The following NXPE3 variants were observed in gnomAD, a reference collection of about 807,000 sequenced individuals.
The protein encoded by NXPE3 is neurexophilin and PC-esterase domain family member 3.
Under a neutral mutation model 46.1 loss-of-function variants are expected in NXPE3, and 26 were observed. The observed-to-expected ratio is 0.56, with a 90% CI of 0.41 to 0.78. The LOEUF (loss-of-function observed/expected upper bound fraction) is 0.78. Ranked by LOEUF, NXPE3 falls within the 30% of genes least tolerant of loss-of-function variation. NXPE3 has a pLI of 0.00. For missense variants in NXPE3, 620 were observed against 686.0 expected (o/e 0.90, Z 1.07); for synonymous variants, 272 against 257.9 (o/e 1.05, Z -0.52).
chr3:101,800,631 C>A (rs970108086), intron 4 of NXPE3, among the ~76,000 whole-genome samples: 1 of 151,620 alleles, frequency 6.6e-6, no homozygotes, highest in Non-Finnish European at 1.5e-5. Context: ...AATGTAGATT[C>A]ATCTATTTCT....
chr3:101,803,743 C>A (rs556179609), intron 5 of NXPE3, among the ~76,000 whole-genome samples: 130 of 152,294 alleles, frequency 8.5e-4, no homozygotes, highest in African/African-American at 2.8e-3. Context: ...CCTCAGCCTC[C>A]CGAGTAGTTC....
chr3:101,785,452 T>C lies in NXPE3; in HGVS notation c.-145T>C. 1.5e-6 allele frequency: 1 copy of C among 673,302 alleles called. No individual in the cohort carries two copies. The highest frequency in any genetic ancestry group is 2.7e-6 in the Non-Finnish European group (1 of 375,096). 41.7% of individuals were successfully genotyped at this position (673,302 alleles called of 1,614,324 possible). A position where few individuals can be genotyped will look rare whatever the true frequency, so the allele number is the denominator to read the frequency against. On this transcript the variant is annotated 5_prime_UTR_variant, in exon 4 of 8. Coordinates refer to ENST00000273347, the MANE Select transcript of NXPE3 (RefSeq NM_145037.4). ...CTTGAATCAACTGCAGTCTCTCCTC[T>C]GCATAAGAGCTCTTAAGGGTACTAG...
rs574253161 is a variant in NXPE3, at chr3:101,821,711, G to A, written c.1437G>A (p.Val479=). ...TCGATCGAAGCCCAAAGACCGTGGT[G>A]GTCATCCGGACGGCCAACGCCCAAG... The part of the protein sequence containing the change: ...RLLDRSPKTV[V]VIRTANAQEL... The change falls in exon 8 of 8, where the codon GTG becomes GTA. Residue 479 remains valine (V), a synonymous_variant. Transcript: ENST00000273347. 4.3e-5 allele frequency: 69 copies of A among 1,614,210 alleles called. No individual in the cohort carries two copies. The South Asian group carries it at 6.9e-4, about 16-fold the overall frequency.
rs907273518 is a variant in NXPE3, at chr3:101,823,039, A to G, written c.*1085A>G. ...GAAGAAGCTGCTATTCCTACTGGCTATCTAAGAAGAATGGAATTATTAATT... is the reference window on the plus strand; with the variant it reads ...GAAGAAGCTGCTATTCCTACTGGCTGTCTAAGAAGAATGGAATTATTAATT... On this transcript the variant is annotated 3_prime_UTR_variant, in exon 8 of 8. Transcript: ENST00000273347. 2 of 152,142 alleles carry G rather than the reference A, an allele frequency of 1.3e-5. No individual in the cohort carries two copies. The highest frequency in any genetic ancestry group is 2.9e-5 in the Non-Finnish European group (2 of 68,010). 9.4% of individuals were successfully genotyped at this position (152,142 alleles called of 1,614,324 possible).
Position 101,821,877 on chromosome 3 carries a change from A to G in NXPE3, c.1603A>G (p.Lys535Glu), listed in dbSNP as rs189519646. 459 of 1,614,104 alleles carry G rather than the reference A, an allele frequency of 2.8e-4. No individual in the cohort carries two copies. Among genetic ancestry groups the G allele is most frequent in the Non-Finnish European group, 4.7e-5 (56 of 1,180,010 alleles). The stretch of plus-strand genomic sequence containing the variant: ...GACCCTGGCCCATTATCTACCGCAC[A>G]AGCTGCATCCAGATGAAGTTATTGT... The part of the protein sequence containing the change: ...EMTLAHYLPH[K>E]LHPDEVIVKN... The change falls in exon 8 of 8, where the codon AAG becomes GAG. Residue 535 changes from lysine to glutamate, a missense_variant. Physicochemically the swap from Lys to Glu is moderately conservative, Grantham distance 56. Around this residue, in one of 3 missense-constraint regions of NXPE3, gnomAD observed 34 missense variants for 36.2 expected, o/e 0.94. Coordinates refer to ENST00000273347, the MANE Select transcript of NXPE3 (RefSeq NM_145037.4).
chr3:101,816,901 C>A lies in NXPE3; in HGVS notation c.1029C>A (p.Asp343Glu), dbSNP rs1311505897. 1 of 1,613,478 alleles carries A rather than the reference C, an allele frequency of 6.2e-7. No individual in the cohort carries two copies. The highest frequency in any genetic ancestry group is 2.2e-5 in the East Asian group (1 of 44,878). Residue 343 changes from aspartate (D) to glutamate (E), a missense_variant, in exon 7 of 8, where the codon GAC becomes GAA. Asp to Glu is a conservative substitution (Grantham distance 45). This residue lies in a region of NXPE3 where 511 missense variants were observed against 528.6 expected (regional missense o/e 0.97). Coordinates refer to ENST00000273347, the MANE Select transcript of NXPE3 (RefSeq NM_145037.4). ...AGTTTAAGATGCGTCAGTTTAATGA[C>A]CCTGACAACATTACAGAGTGCTTAC... ...PRKFKMRQFN[D>E]PDNITECLQR...
Position 101,821,792 on chromosome 3 carries a change from C to T in NXPE3, c.1518C>T (p.Asp506=), listed in dbSNP as rs780566934. The stretch of plus-strand genomic sequence containing the variant: ...GCGACTGGTACAACTTTCAGCTGGA[C>T]ACCATCCTTCGGAGGATGTTCTCAG... ...FNSDWYNFQL[D]TILRRMFSGV... Residue 506 remains aspartate (D), a synonymous_variant, in exon 8 of 8, where the codon GAC becomes GAT. Transcript: ENST00000273347. 1.2e-6 allele frequency: 2 copies of T among 1,614,210 alleles called. No homozygotes were observed. Among genetic ancestry groups the T allele is most frequent in the South Asian group, 1.1e-5 (1 of 91,082 alleles).
intron 6 of NXPE3, among the ~76,000 whole-genome samples, chr3:101,815,819 A>G (rs1941944938): frequency 6.6e-6 from 1 of 152,166 alleles, no homozygotes; most frequent in African/African-American, 2.4e-5. Flanking sequence ...AACGTGATGA[A>G]ACCCTATCTC....
At chr3:101,818,717 A>T (rs868495916) in intron 7 of NXPE3, among the ~76,000 whole-genome samples, 1,165 of 13,378 alleles carry the variant, frequency 0.087, 43 homozygotes, top group African/African-American at 0.26. Flanking sequence ...ATGACAATTT[A>T]TATATATATA....
At chr3:101,806,183 T>C (rs1278670885) in intron 5 of NXPE3, among the ~76,000 whole-genome samples, 3 of 152,198 alleles carry the variant, frequency 2.0e-5, no homozygotes, top group African/African-American at 7.2e-5. Context: ...ATTTGTTGAA[T>C]AAACAGTTTT....
In NXPE3 at chr3:101,821,737, A is replaced by G. The variant is rs886354615; in HGVS notation, c.1463A>G (p.Glu488Gly). Residue 488 changes from glutamate to glycine, a missense_variant, in exon 8 of 8, where the codon GAG becomes GGG. This residue lies in a region of NXPE3 where 75 missense variants were observed against 121.1 expected (regional missense o/e 0.62). Coordinates refer to ENST00000273347, the MANE Select transcript of NXPE3 (RefSeq NM_145037.4). ...VVVIRTANAQELGPEVSLFNS... is the reference protein window; with the variant it reads ...VVVIRTANAQGLGPEVSLFNS... ...GTCATCCGGACGGCCAACGCCCAAG[A>G]GCTGGGACCTGAGGTGAGCCTTTTC... The G allele has an allele frequency of 6.2e-7, 1 of 1,614,124 alleles. No homozygotes were observed. Among genetic ancestry groups the G allele is most frequent in the African/African-American group, 1.3e-5 (1 of 74,942 alleles).
intron 7 of NXPE3, among the ~76,000 whole-genome samples, chr3:101,818,746 TA>T (rs1942102468): frequency 0.011 from 271 of 24,916 alleles, 6 homozygotes; most frequent in Middle Eastern, 0.017. Flanking sequence ...TATATATATA[TA>T]TATATATTTT....
chr3:101,810,939 C>T (rs1050171093), intron 6 of NXPE3, among the ~76,000 whole-genome samples: 3 of 152,130 alleles, frequency 2.0e-5, no homozygotes, highest in African/African-American at 7.2e-5. Context: ...AAGCGATTCT[C>T]GTGCCTCAGC....
At position 101,825,874 on chromosome 3, in the gene NXPE3, T is replaced by G. The variant is rs1172233595; in HGVS notation, c.*3920T>G. On this transcript the variant is annotated 3_prime_UTR_variant, in exon 8 of 8. Coordinates refer to ENST00000273347, the MANE Select transcript of NXPE3 (RefSeq NM_145037.4). ...ATATTCCAGAACTGAGATGATTGAT[T>G]TGATGCTATTTGTGACAGACAGAAC... 1 of 152,228 alleles carries G rather than the reference T, an allele frequency of 6.6e-6. No individual in the cohort carries two copies. The highest frequency in any genetic ancestry group is 1.5e-5 in the Non-Finnish European group (1 of 68,038). The allele number at this position is 152,228 out of a possible 1,614,324, so 9.4% of individuals were successfully genotyped here.
At chr3:101,810,103 A>G (rs1941641893) in intron 6 of NXPE3, among the ~76,000 whole-genome samples, 1 of 152,250 alleles carries the variant, frequency 6.6e-6, no homozygotes. Context: ...GTCAAAAGCA[A>G]GGAAAAACAG....
At chr3:101,781,855 C>T (rs1427093475) in intron 1 of NXPE3, 4 of 152,060 alleles carry the variant, frequency 2.6e-5, no homozygotes, top group Non-Finnish European at 5.9e-5. Context: ...TCACTTATAT[C>T]GCTGTTTATA....
intron 1 of NXPE3, among the ~76,000 whole-genome samples, chr3:101,780,328 C>T (rs899913561): frequency 6.6e-6 from 1 of 152,048 alleles, no homozygotes; most frequent in South Asian, 2.1e-4. Context: ...CTCTTTGGGG[C>T]CAATAGAGTG....
At chr3:101,798,440 G>A (rs543636306) in intron 4 of NXPE3, among the ~76,000 whole-genome samples, 2 of 151,414 alleles carry the variant, frequency 1.3e-5, no homozygotes, top group South Asian at 2.1e-4. Flanking sequence ...GCTAGAGTGC[G>A]GTGGCACAGT....
rs998973842 is a variant in NXPE3, at chr3:101,824,751, T to G, written c.*2797T>G. On this transcript the variant is annotated 3_prime_UTR_variant, in exon 8 of 8. Transcript: ENST00000273347. ...AGCCACTGTGCCCAGCTGAGAGTTTTTCTTGTCGTGAAAGAACTTGACATT... is the reference window on the plus strand; with the variant it reads ...AGCCACTGTGCCCAGCTGAGAGTTTGTCTTGTCGTGAAAGAACTTGACATT... The G allele has an allele frequency of 6.6e-6, 1 of 152,186 alleles. No homozygotes were observed. Among genetic ancestry groups the G allele is most frequent in the Non-Finnish European group, 1.5e-5 (1 of 68,044 alleles). The allele number at this position is 152,186 out of a possible 1,614,324, so 9.4% of individuals were successfully genotyped here.
Sources: gnomAD v4.1 joint callset for allele counts (sites outside exome capture counted in the v4.1 genomes callset) on GRCh38, gnomAD v4.1.1 for gene constraint, gnomAD v4.1.1 regional missense constraint, MANE v1.5 for transcripts, NCBI Gene and HGNC (gene_info 2026-07-23, HGNC 2026-07-21) for gene names.